Variants in PALLD observed in about 807,000 individuals in gnomAD.
PALLD encodes the protein palladin, cytoskeletal associated protein.
In PALLD, 61 loss-of-function variants were observed where a neutral mutation model predicts 123.5. That is an observed-to-expected ratio of 0.49 (90% CI 0.40 to 0.61). The LOEUF (loss-of-function observed/expected upper bound fraction) is 0.61. PALLD is among the 20% of genes least tolerant of loss of function. PALLD has a pLI of 0.00. For synonymous variants in PALLD, 465 were observed against 496.4 expected, an observed-to-expected ratio of 0.94 and a Z score of 0.84; for missense variants, 1,273 against 1,377.0, an observed-to-expected ratio of 0.92 and a Z score of 1.20.
chr4:168,660,776 A>C (rs1182677038), intron 2 of PALLD, among the ~76,000 whole-genome samples: 1 of 152,218 alleles, frequency 6.6e-6, no homozygotes, highest in African/African-American at 2.4e-5. Flanking sequence ...GGAGAATATT[A>C]TCTCCTCTCC....
intron 10 of PALLD, among the ~76,000 whole-genome samples, chr4:168,859,065 C>T (rs776668835): frequency 6.6e-6 from 1 of 152,118 alleles, no homozygotes; most frequent in Non-Finnish European, 1.5e-5. Flanking sequence ...AACATAAAAC[C>T]TCAGCGTTAT....
intron 10 of PALLD, among the ~76,000 whole-genome samples, chr4:168,867,395 T>A (rs1318300562): frequency 6.6e-6 from 1 of 152,210 alleles, no homozygotes; most frequent in Non-Finnish European, 1.5e-5. Context: ...GATACCCTTC[T>A]CAGGCCTCCA....
intron 10 of PALLD, among the ~76,000 whole-genome samples, chr4:168,720,152 T>C (rs1785849108): frequency 1.3e-5 from 2 of 152,210 alleles, no homozygotes; most frequent in Admixed American, 1.3e-4. Flanking sequence ...CCTGGTTATC[T>C]CTACGATGAT....
At chr4:168,797,836 C>T (rs771892715) in intron 10 of PALLD, among the ~76,000 whole-genome samples, 1 of 151,962 alleles carries the variant, frequency 6.6e-6, no homozygotes, top group Non-Finnish European at 1.5e-5. Flanking sequence ...ACCCCACCCC[C>T]ACCACCATAC....
intron 19 of PALLD, 121 bp from the exon 20 acceptor site, chr4:168,924,824 T>C (rs1405781437): frequency 2.1e-6 from 2 of 946,420 alleles, no homozygotes; most frequent in Non-Finnish European, 3.4e-6. Context: ...AGAATAAGTA[T>C]GACCCTATTA....
chr4:168,785,911 A>G (rs1187971625), intron 10 of PALLD, among the ~76,000 whole-genome samples: 2 of 144,818 alleles, frequency 1.4e-5, no homozygotes, highest in East Asian at 4.0e-4. Flanking sequence ...AAGTTGCTGA[A>G]TTAGCATCAG....
intron 10 of PALLD, among the ~76,000 whole-genome samples, chr4:168,726,817 A>G (rs529891156): frequency 6.6e-6 from 1 of 152,066 alleles, no homozygotes; most frequent in South Asian, 2.1e-4. Context: ...CTACATGGGT[A>G]TATTATACCC....
chr4:168,852,034 G>T (rs1747871077), intron 10 of PALLD, among the ~76,000 whole-genome samples: 1 of 152,174 alleles, frequency 6.6e-6, no homozygotes, highest in African/African-American at 2.4e-5. Context: ...CTGCCTTCCT[G>T]AGTGAGTTGG....
At chr4:168,648,085 CT>C (rs1353331747) in intron 2 of PALLD, 2 of 152,128 alleles carry the variant, frequency 1.3e-5, no homozygotes, top group African/African-American at 2.4e-5. Context: ...GAACTCCCCC[CT>C]GACTCCTGGT....
At chr4:168,705,519 G>A (rs567709655) in intron 8 of PALLD, among the ~76,000 whole-genome samples, 7 of 152,268 alleles carry the variant, frequency 4.6e-5, no homozygotes, top group East Asian at 1.9e-4. Flanking sequence ...ATTAGGAACC[G>A]TTTGTTCTTA....
intron 10 of PALLD, among the ~76,000 whole-genome samples, chr4:168,766,568 A>G (rs1733687586): frequency 6.6e-6 from 1 of 152,200 alleles, no homozygotes; most frequent in Non-Finnish European, 1.5e-5. Flanking sequence ...AGAGACGGAG[A>G]GCCTGTTTCC....
intron 2 of PALLD, among the ~76,000 whole-genome samples, chr4:168,588,441 T>C (rs564310737): frequency 2.0e-5 from 3 of 152,052 alleles, no homozygotes; most frequent in Admixed American, 6.6e-5. Flanking sequence ...TCTCACTCTG[T>C]CACCCAGGCT....
At chr4:168,509,872 C>T (rs1762370918) in intron 1 of PALLD, among the ~76,000 whole-genome samples, 1 of 152,208 alleles carries the variant, frequency 6.6e-6, no homozygotes, top group Admixed American at 6.5e-5. Context: ...TGACTCACTG[C>T]ATCCAGTGAA....
intron 2 of PALLD, among the ~76,000 whole-genome samples, chr4:168,600,911 C>T (rs543690240): frequency 1.7e-4 from 26 of 152,090 alleles, no homozygotes; most frequent in Non-Finnish European, 3.4e-4. Context: ...CTCCTAAAGA[C>T]GGCTGTGATA....
intron 10 of PALLD, among the ~76,000 whole-genome samples, chr4:168,814,957 G>A (rs1741697117): frequency 6.6e-6 from 1 of 152,134 alleles, no homozygotes; most frequent in South Asian, 2.1e-4. Flanking sequence ...TTTTAGTAGA[G>A]ACGGGGTTTC....
At chr4:168,898,050 T>C (rs1755632350) in intron 13 of PALLD, 3 of 158,934 alleles carry the variant, frequency 1.9e-5, no homozygotes, top group Admixed American at 6.1e-5. Context: ...TTTACTATAA[T>C]TGTATATAAT....
intron 10 of PALLD, among the ~76,000 whole-genome samples, chr4:168,774,759 A>T (rs548349635): frequency 1.5e-3 from 219 of 148,572 alleles, no homozygotes; most frequent in South Asian, 0.011. Context: ...TAGCAAATAC[A>T]TCCATCATCC....
rs536774673 is a variant in PALLD at position 168,838,096 on chromosome 4, C to T, written c.1965-52826C>T. ...TTTCTCGCAGCAACCCATTTTATGT[C>T]GTAACACCAAATGTTGAGTACATGT... On this transcript the variant is annotated intron_variant, in intron 10 of 21. Transcript: ENST00000505667. 5.3e-5 allele frequency among the ~76,000 whole-genome samples: 8 copies of T among 152,292 alleles called. No individual in the cohort carries two copies. The South Asian group carries it at 1.7e-3, about 32-fold the overall frequency.
chr4:168,715,670 C>A (rs74417350), intron 10 of PALLD, among the ~76,000 whole-genome samples: 1 of 152,070 alleles, frequency 6.6e-6, no homozygotes, highest in African/African-American at 2.4e-5. Flanking sequence ...GGTCCTTCAG[C>A]CAGGGCGCGG....
Sources: gnomAD v4.1 joint callset for allele counts (sites outside exome capture counted in the v4.1 genomes callset) on GRCh38, gnomAD v4.1.1 for gene constraint, MANE v1.5 for transcripts, NCBI Gene and HGNC (gene_info 2026-07-23, HGNC 2026-07-21) for gene names.